Variants in PCDHGB2 observed in about 807,000 individuals in gnomAD.
The protein encoded by PCDHGB2 is protocadherin gamma subfamily B, 2.
In PCDHGB2, 55 loss-of-function variants were observed where a neutral mutation model predicts 59.3. The observed-to-expected ratio is 0.93, with a 90% CI of 0.75 to 1.16. The LOEUF is 1.16. Among genes scored for constraint, PCDHGB2 ranks in the 50% most tolerant of loss-of-function variants. PCDHGB2 has a pLI of 0.00. For synonymous variants in PCDHGB2, 516 were observed against 512.0 expected (o/e 1.01, Z -0.11); for missense variants, 1,228 against 1,198.5 (o/e 1.02, Z -0.36).
In PCDHGB2 at chr5:141,487,765, GC is replaced by G. The variant is rs2099665397; in HGVS notation, c.2422-7041del. The G allele has an allele frequency of 6.5e-7, 1 of 1,541,774 alleles. No individual in the cohort carries two copies. Among genetic ancestry groups the G allele is most frequent in the South Asian group, 1.2e-5 (1 of 83,146 alleles). On this transcript the variant is annotated intron_variant, in intron 1 of 3. Transcript: ENST00000522605. This position sits in a 1 kb window ranked among gnomAD's most constrained non-coding sequence, Gnocchi z 5.0. ...GAGGTAACTATGTGGTAGACGCTGT[GC>G]TTTGTAACTGTTTCGTGAATTAACC...
At chr5:141,494,195 C>T in intron 1 of PCDHGB2, among the ~76,000 whole-genome samples, 1 of 152,188 alleles carries the variant, frequency 6.6e-6, no homozygotes, top group Non-Finnish European at 1.5e-5. Flanking sequence ...GACTTGGATG[C>T]CCCGCAAAGG....
chr5:141,366,591 C>A, intron 1 of PCDHGB2: 1 of 1,614,246 alleles, frequency 6.2e-7, no homozygotes, highest in East Asian at 2.2e-5. Context: ...CAGACCTATT[C>A]CCACGAGGTC....
At chr5:141,465,922 T>A (rs7704812) in intron 1 of PCDHGB2, among the ~76,000 whole-genome samples, 42,795 of 151,826 alleles carry the variant, frequency 0.28, 6,697 homozygotes, top group African/African-American at 0.42. Flanking sequence ...GGATTTCGAG[T>A]CCATCCTGGC....
intron 1 of PCDHGB2, among the ~76,000 whole-genome samples, chr5:141,381,934 A>C (rs1777775116): frequency 7.0e-6 from 1 of 143,002 alleles, no homozygotes; most frequent in Non-Finnish European, 1.5e-5. Flanking sequence ...GGTTCAAGCG[A>C]TTTTCCTGCC....
chr5:141,409,868 A>C (rs2095328786), intron 1 of PCDHGB2: 2 of 1,612,688 alleles, frequency 1.2e-6, no homozygotes, highest in Admixed American at 1.7e-5. Flanking sequence ...GGGAGACCGC[A>C]ATGACAACGC....
intron 1 of PCDHGB2, among the ~76,000 whole-genome samples, chr5:141,450,123 T>G (rs565568384): frequency 2.4e-4 from 36 of 150,874 alleles, no homozygotes; most frequent in Non-Finnish European, 4.7e-4. Context: ...TCTCCTGCCT[T>G]AGCCTCCTGA....
At position 141,432,759 on chromosome 5, in the gene PCDHGB2, G is replaced by T. The variant is rs768949018; in HGVS notation, c.2422-62048G>T. On this transcript the variant is annotated intron_variant, in intron 1 of 3. Transcript: ENST00000522605. The surrounding 1 kb of genome is among the most constrained non-coding windows in gnomAD (Gnocchi z 6.0). ...ACGCTCACCGTGGCCGTGGCCGACA[G>T]CATCCCCCAAGTCCTGGCGGACCTC... is the stretch of plus-strand genomic sequence containing the variant. The T allele has an allele frequency of 6.2e-6, 10 of 1,614,032 alleles. No homozygotes were observed. The highest frequency in any genetic ancestry group is 7.6e-6 in the Non-Finnish European group (9 of 1,180,014).
chr5:141,475,013 G>T (rs950376592), intron 1 of PCDHGB2, among the ~76,000 whole-genome samples: 1 of 152,176 alleles, frequency 6.6e-6, no homozygotes, highest in African/African-American at 2.4e-5. Context: ...AAAAGTTAAG[G>T]CTCTTTATTC....
chr5:141,364,720 C>T (rs1763500298), intron 1 of PCDHGB2: 6 of 1,613,946 alleles, frequency 3.7e-6, no homozygotes, highest in Non-Finnish European at 5.1e-6. Flanking sequence ...ATGATAACTT[C>T]CCGCGTTTCC....
chr5:141,383,038 G>A (rs1778741644), intron 1 of PCDHGB2: 1 of 1,613,858 alleles, frequency 6.2e-7, no homozygotes. Context: ...CTTTGTGGGA[G>A]ACATCGCCAA....
chr5:141,405,138 G>A (rs777486710), intron 1 of PCDHGB2: 4 of 1,613,962 alleles, frequency 2.5e-6, no homozygotes, highest in Non-Finnish European at 3.4e-6. Flanking sequence ...CGGGCTACCA[G>A]TGATGGGTTG....
chr5:141,399,097 G>GT (rs1217179640), intron 1 of PCDHGB2: 2 of 1,613,816 alleles, frequency 1.2e-6, no homozygotes, highest in Admixed American at 3.3e-5. Flanking sequence ...TGGTGGACTG[G>GT]TTGCACAATG....
chr5:141,384,443 A>G, intron 1 of PCDHGB2: 1 of 1,614,030 alleles, frequency 6.2e-7, no homozygotes, highest in Non-Finnish European at 8.5e-7. Flanking sequence ...GGAGTCCTGT[A>G]CGCGCTGCAA....
In PCDHGB2 at chr5:141,431,770, T is replaced by G. The variant is rs748816389; in HGVS notation, c.2422-63037T>G. The G allele has an allele frequency of 3.7e-6, 6 of 1,614,204 alleles. No homozygotes were observed. In the South Asian group the frequency reaches 6.6e-5, roughly 18 times the overall value. ...CGCGAGCCAAAGTCCTGATCACTGT[T>G]CTGGACGTGAACGACAATGCCCCAG... On this transcript the variant is annotated intron_variant, in intron 1 of 3. Coordinates refer to ENST00000522605, the MANE Select transcript of PCDHGB2 (RefSeq NM_018923.3). The surrounding 1 kb of genome is among the most constrained non-coding windows in gnomAD (Gnocchi z 4.8).
chr5:141,511,062 C>T lies in PCDHGB2; in HGVS notation c.2685C>T (p.Tyr895=), dbSNP rs775583963. The change falls in exon 4 of 4, where the codon TAC becomes TAT. Residue 895 remains tyrosine, a synonymous_variant. Transcript: ENST00000522605. ...TGCCCGACTACCGCCAGAATGTCTACATCCCAGGCAGCAATGCCACACTGA... is the reference window on the plus strand; with the variant it reads ...TGCCCGACTACCGCCAGAATGTCTATATCCCAGGCAGCAATGCCACACTGA... ...QHVPDYRQNV[Y]IPGSNATLTN... The T allele has an allele frequency of 6.2e-7, 1 of 1,614,246 alleles. No homozygotes were observed. The highest frequency in any genetic ancestry group is 1.3e-5 in the African/African-American group (1 of 75,064).
At chr5:141,448,185 G>A (rs2098572532) in intron 1 of PCDHGB2, among the ~76,000 whole-genome samples, 1 of 152,020 alleles carries the variant, frequency 6.6e-6, no homozygotes, top group Non-Finnish European at 1.5e-5. Flanking sequence ...CCCTGGTTAT[G>A]TACACTTACA....
Position 141,360,426 on chromosome 5 carries a change from G to C in PCDHGB2, c.291G>C (p.Gly97=). 2 of 1,614,000 alleles carry C rather than the reference G, an allele frequency of 1.2e-6. No homozygotes were observed. The highest frequency in any genetic ancestry group is 1.7e-6 in the Non-Finnish European group (2 of 1,179,896). ...SDRIDREQIC[G]KQPLCVLDFD... ...GAATAGACCGAGAACAGATATGCGGGAAGCAGCCTCTGTGTGTTCTGGATT... is the reference window on the plus strand; with the variant it reads ...GAATAGACCGAGAACAGATATGCGGCAAGCAGCCTCTGTGTGTTCTGGATT... The change falls in exon 1 of 4, where the codon GGG becomes GGC. Residue 97 remains glycine, a synonymous_variant. Coordinates refer to ENST00000522605, the MANE Select transcript of PCDHGB2 (RefSeq NM_018923.3).
chr5:141,410,234 CG>C, intron 1 of PCDHGB2: 1 of 1,613,984 alleles, frequency 6.2e-7, no homozygotes, highest in Non-Finnish European at 8.5e-7. Context: ...CCTCAGCGAC[CG>C]CCCTGTACTC....
intron 1 of PCDHGB2, chr5:141,370,312 G>A (rs2149960218): frequency 2.4e-6 from 3 of 1,269,470 alleles, no homozygotes; most frequent in Non-Finnish European, 3.3e-6. Flanking sequence ...AAAGCAAATA[G>A]TTGGTCCTGC....
Sources: gnomAD v4.1 joint callset for allele counts (sites outside exome capture counted in the v4.1 genomes callset) on GRCh38, gnomAD v4.1.1 for gene constraint, Gnocchi (gnomAD v3.1) non-coding constraint, MANE v1.5 for transcripts, NCBI Gene and HGNC (gene_info 2026-07-23, HGNC 2026-07-21) for gene names.